DCHS2: variants seen among roughly 807,000 people sequenced by gnomAD.
The protein encoded by DCHS2 is dachsous cadherin-related 2.
Under a neutral mutation model 182.4 loss-of-function variants are expected in DCHS2, and 142 were observed. That is an observed-to-expected ratio of 0.78 (90% CI 0.68 to 0.89). The LOEUF (loss-of-function observed/expected upper bound fraction) is 0.89, where lower values mean the gene tolerates loss of function less well. Ranked by LOEUF, DCHS2 falls within the 40% of genes least tolerant of loss-of-function variation. DCHS2 has a pLI of 0.00. For missense variants in DCHS2, 4,319 were observed against 4,198.6 expected, an observed-to-expected ratio of 1.03 and a Z score of -0.79; for synonymous variants, 1,740 against 1,663.3, an observed-to-expected ratio of 1.05 and a Z score of -1.12.
intron 16 of DCHS2, among the ~76,000 whole-genome samples, chr4:154,248,549 A>T (rs904076417): frequency 6.6e-6 from 1 of 152,200 alleles, no homozygotes; most frequent in Non-Finnish European, 1.5e-5. Flanking sequence ...ATAATAAAAA[A>T]TCAAATTAAG....
Position 154,332,926 on chromosome 4 carries a change from A to T in DCHS2, c.3282T>A (p.Ser1094Arg). The change falls in exon 5 of 20, where the codon AGT becomes AGA. Residue 1094 changes from serine (S) to arginine (R), a missense_variant. Ser to Arg is a moderately radical substitution (Grantham distance 110). Transcript: ENST00000357232. Reference sequence around the variant, plus strand: ...TTTGTGTCATCGGTGAGAGAGACTCACTGACTTCCACTTGATAGACCAAAT... The same window carrying T: ...TTTGTGTCATCGGTGAGAGAGACTCTCTGACTTCCACTTGATAGACCAAAT... ...FEHLVYQVEV[S>R]ESLSPMTQML... The T allele has an allele frequency of 6.2e-7, 1 of 1,614,186 alleles. No homozygotes were observed. Among genetic ancestry groups the T allele is most frequent in the Non-Finnish European group, 8.5e-7 (1 of 1,180,038 alleles).
intron 9 of DCHS2, among the ~76,000 whole-genome samples, chr4:154,317,959 G>T (rs1441686672): frequency 6.6e-6 from 1 of 152,080 alleles, no homozygotes; most frequent in African/African-American, 2.4e-5. Context: ...ACGAATACAT[G>T]TTTGTATAAT....
intron 1 of DCHS2, among the ~76,000 whole-genome samples, chr4:154,437,888 CT>C (rs1483186526): frequency 2.0e-5 from 3 of 152,092 alleles, no homozygotes; most frequent in African/African-American, 4.8e-5. Flanking sequence ...AAATTACCCC[CT>C]AACTGGGCAT....
chr4:154,395,419 C>T (rs1031939017), intron 1 of DCHS2, among the ~76,000 whole-genome samples: 5 of 152,084 alleles, frequency 3.3e-5, no homozygotes, highest in Non-Finnish European at 5.9e-5. Flanking sequence ...ATCTAGGAGA[C>T]TCTGGATTAA....
chr4:154,464,240 G>A (rs1342307896), intron 1 of DCHS2, among the ~76,000 whole-genome samples: 3 of 152,064 alleles, frequency 2.0e-5, no homozygotes, highest in Admixed American at 6.6e-5. Flanking sequence ...AATGCTTTGC[G>A]ACTTAAGTAG....
chr4:154,415,701 T>C lies in DCHS2; in HGVS notation c.2053-38257A>G, dbSNP rs560653650. On this transcript the variant is annotated intron_variant, in intron 1 of 19. Transcript: ENST00000357232. The stretch of plus-strand genomic sequence containing the variant: ...GTCCCGAGCGTCAGTAAGATGGAGC[T>C]AATTAGGAGGAAACCGAGGTCGGTG... 1.1e-4 allele frequency among the ~76,000 whole-genome samples: 16 copies of C among 152,204 alleles called. 1 individual carries two copies. The highest frequency in any genetic ancestry group is 3.4e-3 in the Middle Eastern group (1 of 294).
intron 14 of DCHS2, among the ~76,000 whole-genome samples, chr4:154,267,818 C>T (rs141361554): frequency 6.5e-4 from 99 of 152,314 alleles, no homozygotes; most frequent in Non-Finnish European, 6.5e-4. Flanking sequence ...GATGCAGCCT[C>T]TCCAGTAGTT....
intron 1 of DCHS2, among the ~76,000 whole-genome samples, chr4:154,409,311 C>G (rs1260984675): frequency 6.6e-6 from 1 of 152,156 alleles, no homozygotes; most frequent in Non-Finnish European, 1.5e-5. Context: ...ATCTGAGATA[C>G]TGCCATGTCC....
At chr4:154,349,361 T>C (rs898759199) in intron 3 of DCHS2, among the ~76,000 whole-genome samples, 1 of 152,202 alleles carries the variant, frequency 6.6e-6, no homozygotes, top group African/African-American at 2.4e-5. Flanking sequence ...GAAGGTCAAA[T>C]AGACAACTTC....
At position 154,239,196 on chromosome 4, in the gene DCHS2, T is replaced by C. The variant is rs563542811; in HGVS notation, c.7466A>G (p.Lys2489Arg). The C allele has an allele frequency of 6.2e-6, 10 of 1,613,226 alleles. No homozygotes were observed. The African/African-American group carries it at 1.2e-4, about 19-fold the overall frequency. The change falls in exon 19 of 20, where the codon AAG becomes AGG. Residue 2489 changes from lysine to arginine, a missense_variant. Coordinates refer to ENST00000357232, the MANE Select transcript of DCHS2 (RefSeq NM_001358235.2). The stretch of plus-strand genomic sequence containing the variant: ...ATTCTTAGGATCAATGGAGAATTCC[T>C]TAGAAGAGGATAGAATTCTGTAAGA... ...NISYRILSSSKEFSIDPKNGT... is the reference protein window; with the variant it reads ...NISYRILSSSREFSIDPKNGT...
intron 2 of DCHS2, among the ~76,000 whole-genome samples, chr4:154,376,478 C>A (rs1730900684): frequency 6.6e-6 from 1 of 151,640 alleles, no homozygotes; most frequent in African/African-American, 2.4e-5. Flanking sequence ...AAAATAAAAA[C>A]AAATAATCAA....
In DCHS2 at chr4:154,240,645, C is replaced by T. The variant is rs1271075439; in HGVS notation, c.7251G>A (p.Glu2417=). Residue 2417 remains glutamate, a synonymous_variant, in exon 18 of 20, where the codon GAG becomes GAA. Transcript: ENST00000357232. ...TLDFEEMTEY[E]LLIQISDSVH... ...CTGAATCAGAAATTTGGATGAGCAG[C>T]TCATATTCAGTCATTTCTTCAAAAT... 1.9e-6 allele frequency: 3 copies of T among 1,613,822 alleles called. No homozygotes were observed. In the African/African-American group the frequency reaches 4.0e-5, roughly 22 times the overall value.
chr4:154,301,659 C>G (rs1468271093), intron 12 of DCHS2, among the ~76,000 whole-genome samples: 2 of 152,118 alleles, frequency 1.3e-5, no homozygotes, highest in African/African-American at 2.4e-5. Context: ...GCATGTGCCA[C>G]TGGCTAATTT....
chr4:154,253,919 T>C (rs1278817531), intron 16 of DCHS2, among the ~76,000 whole-genome samples: 1 of 152,186 alleles, frequency 6.6e-6, no homozygotes, highest in Non-Finnish European at 1.5e-5. Flanking sequence ...CTCACTGTCT[T>C]TGGTATACTG....
At chr4:154,343,684 G>A (rs753491063) in intron 3 of DCHS2, 74 of 1,369,228 alleles carry the variant, frequency 5.4e-5, no homozygotes, top group Non-Finnish European at 6.3e-5. Flanking sequence ...CTCTGGATTA[G>A]GCTTTGGCTT....
chr4:154,430,082 A>G (rs986232477), intron 1 of DCHS2, among the ~76,000 whole-genome samples: 10 of 152,224 alleles, frequency 6.6e-5, no homozygotes, highest in African/African-American at 2.4e-4. Context: ...TAAATAAGCC[A>G]TGATCTCTGT....
chr4:154,462,384 G>A (rs893531466), intron 1 of DCHS2, among the ~76,000 whole-genome samples: 6 of 152,082 alleles, frequency 3.9e-5, no homozygotes, highest in African/African-American at 1.2e-4. Flanking sequence ...TACAACATAC[G>A]AAAGCTTTCA....
At chr4:154,328,307 C>T in intron 6 of DCHS2, 115 bp from the exon 7 acceptor site, 2 of 667,570 alleles carry the variant, frequency 3.0e-6, no homozygotes, top group Non-Finnish European at 4.8e-6. Context: ...ATCTTAAAAT[C>T]CACATATAAT....
chr4:154,374,317 C>T (rs759724341), intron 2 of DCHS2: 1 of 193,014 alleles, frequency 5.2e-6, no homozygotes, highest in Non-Finnish European at 1.1e-5. Flanking sequence ...CTGGAAGACA[C>T]AGCTAATTCT....
Sources: gnomAD v4.1 joint callset for allele counts (sites outside exome capture counted in the v4.1 genomes callset) on GRCh38, gnomAD v4.1.1 for gene constraint, MANE v1.5 for transcripts, NCBI Gene and HGNC (gene_info 2026-07-23, HGNC 2026-07-21) for gene names.